Variants in ARHGAP15 observed in about 807,000 individuals in gnomAD.
ARHGAP15 encodes rho GTPase-activating protein 15.
In ARHGAP15, 51 loss-of-function variants were observed where a neutral mutation model predicts 63.7. That is an observed-to-expected ratio of 0.80 (90% CI 0.64 to 1.01). The LOEUF is 1.01. Among genes scored for constraint, ARHGAP15 ranks in the 50% least tolerant of loss-of-function variants. The pLI is 0.00. For synonymous variants in ARHGAP15, 191 were observed against 193.8 expected (o/e 0.99, Z 0.12); for missense variants, 560 against 564.6 (o/e 0.99, Z 0.08).
rs1248706263 is a variant in ARHGAP15 at position 143,556,432 on chromosome 2, G to T, written c.950G>T (p.Arg317Leu). ...KRGLDVDGIY[R>L]VSGNLATIQK... is the part of the protein sequence containing the mutation. ...GGTCTAGATGTTGATGGAATATATC[G>T]AGTTAGTGGCAATCTGGCAACAATA... The change falls in exon 11 of 14, where the codon CGA (arginine) becomes CTA (leucine). Residue 317 changes from arginine (R) to leucine (L), a missense_variant. Transcript: ENST00000295095. 1 of 1,611,822 alleles carries T rather than the reference G, an allele frequency of 6.2e-7. No individual in the cohort carries two copies. The highest frequency in any genetic ancestry group is 8.5e-7 in the Non-Finnish European group (1 of 1,178,692).
At chr2:143,514,325 G>A (rs1693713806) in intron 9 of ARHGAP15, among the ~76,000 whole-genome samples, 1 of 152,174 alleles carries the variant, frequency 6.6e-6, no homozygotes, top group South Asian at 2.1e-4. Context: ...ATGGAATTGG[G>A]TTAATCTGGA....
At chr2:143,192,649 A>G (rs568352629) in intron 2 of ARHGAP15, among the ~76,000 whole-genome samples, 2 of 152,154 alleles carry the variant, frequency 1.3e-5, no homozygotes, top group Admixed American at 6.5e-5. Context: ...TGAAAGAGAG[A>G]TGCTATTTCT....
chr2:143,403,384 A>T (rs766984421), intron 6 of ARHGAP15, among the ~76,000 whole-genome samples: 1 of 151,774 alleles, frequency 6.6e-6, no homozygotes, highest in Non-Finnish European at 1.5e-5. Flanking sequence ...CTTTCATGGG[A>T]CTTAATATAT....
chr2:143,634,378 T>G (rs767271903), intron 12 of ARHGAP15, among the ~76,000 whole-genome samples: 4 of 152,258 alleles, frequency 2.6e-5, no homozygotes, highest in Middle Eastern at 3.4e-3. Flanking sequence ...GAGCAAATAT[T>G]TAATCTCTCT....
chr2:143,623,499 G>A (rs1014869132), intron 11 of ARHGAP15, among the ~76,000 whole-genome samples: 2 of 151,874 alleles, frequency 1.3e-5, no homozygotes, highest in Non-Finnish European at 2.9e-5. Context: ...GTCTAATATT[G>A]TTGCTGGGCA....
At position 143,436,996 on chromosome 2, in the gene ARHGAP15, C is replaced by A. The variant is rs17230746; in HGVS notation, c.657C>A (p.Tyr219Ter). 37 of 1,607,726 alleles carry A rather than the reference C, an allele frequency of 2.3e-5. No individual in the cohort carries two copies. The highest frequency in any genetic ancestry group is 3.1e-5 in the Non-Finnish European group (36 of 1,178,102). The change falls in exon 8 of 14, where the codon TAC (tyrosine) becomes TAA (stop). Residue 219 changes from tyrosine to a stop codon, truncating the protein, a stop_gained. Coordinates refer to ENST00000295095, the MANE Select transcript of ARHGAP15 (RefSeq NM_018460.4). LOFTEE classifies it high-confidence loss of function. ...CTAGCACTGAATTGCTAAGTCACTA[C>A]GACAGTGATATAAAAGAACAGAAAC... ...RSSSTELLSHYDSDIKEQKPE... is the reference protein window; with the variant it reads ...RSSSTELLSH
chr2:143,376,804 C>T (rs571070020), intron 6 of ARHGAP15, among the ~76,000 whole-genome samples: 1 of 152,100 alleles, frequency 6.6e-6, no homozygotes, highest in East Asian at 1.9e-4. Flanking sequence ...TAAACCTGGT[C>T]TCAGCTCAGT....
chr2:143,714,265 C>T (rs1684711470), intron 13 of ARHGAP15, among the ~76,000 whole-genome samples: 1 of 152,240 alleles, frequency 6.6e-6, no homozygotes, highest in Non-Finnish European at 1.5e-5. Context: ...TCTGAAGCCA[C>T]AGCCCAAACT....
chr2:143,396,123 T>G lies in ARHGAP15; in HGVS notation c.475-39478T>G, dbSNP rs149846362. 1.5e-4 allele frequency among the ~76,000 whole-genome samples: 23 copies of G among 152,234 alleles called. No individual in the cohort carries two copies. In the East Asian group the frequency reaches 4.4e-3, roughly 29 times the overall value. On this transcript the variant is annotated intron_variant, in intron 6 of 13. Coordinates refer to ENST00000295095, the MANE Select transcript of ARHGAP15 (RefSeq NM_018460.4). ...TCTGAGCAAATTTCTCTCTTAAAATTTTACCACAAATCAAGATACTTTACT... is the reference window on the plus strand; with the variant it reads ...TCTGAGCAAATTTCTCTCTTAAAATGTTACCACAAATCAAGATACTTTACT...
intron 6 of ARHGAP15, among the ~76,000 whole-genome samples, chr2:143,358,570 GCACTTATTTTCTTTACAAACC>G (rs1249832579): frequency 6.7e-6 from 1 of 150,340 alleles, no homozygotes; most frequent in Non-Finnish European, 1.5e-5. Context: ...TTAGGAAAAG[GCACTTATTTTCTTTACAAACC>G]TGGACCTTAT....
intron 10 of ARHGAP15, among the ~76,000 whole-genome samples, chr2:143,529,348 C>A (rs1694423873): frequency 1.3e-5 from 2 of 152,050 alleles, no homozygotes; most frequent in African/African-American, 4.8e-5. Flanking sequence ...CTTTCTGTGA[C>A]CTTGATTGGG....
intron 8 of ARHGAP15, among the ~76,000 whole-genome samples, chr2:143,483,354 C>T (rs1692162367): frequency 3.9e-5 from 6 of 152,094 alleles, no homozygotes; most frequent in African/African-American, 9.7e-5. Flanking sequence ...TTTCTAATGG[C>T]ATCGTTTTTA....
chr2:143,345,835 T>C (rs1198661858), intron 6 of ARHGAP15, among the ~76,000 whole-genome samples: 1 of 152,138 alleles, frequency 6.6e-6, no homozygotes, highest in Non-Finnish European at 1.5e-5. Context: ...CACCATATTA[T>C]CTTGTGTTGC....
chr2:143,444,633 T>G (rs1215295720), intron 8 of ARHGAP15, among the ~76,000 whole-genome samples: 1 of 152,178 alleles, frequency 6.6e-6, no homozygotes, highest in African/African-American at 2.4e-5. Flanking sequence ...TGCTTTTTGA[T>G]GGATTTATTT....
chr2:143,709,966 G>C (rs1488249403), intron 13 of ARHGAP15, among the ~76,000 whole-genome samples: 4 of 152,174 alleles, frequency 2.6e-5, no homozygotes. Context: ...CCAGGCCTCT[G>C]AATGCTCAGC....
intron 11 of ARHGAP15, among the ~76,000 whole-genome samples, chr2:143,591,469 C>T (rs987528775): frequency 1.3e-5 from 2 of 152,174 alleles, no homozygotes; most frequent in Admixed American, 1.3e-4. Context: ...TACTTCAGGG[C>T]TCTGCTTCCT....
chr2:143,577,483 C>T (rs937662931), intron 11 of ARHGAP15, among the ~76,000 whole-genome samples: 16 of 152,018 alleles, frequency 1.1e-4, no homozygotes, highest in African/African-American at 3.1e-4. Flanking sequence ...GGAAATGATG[C>T]AGCTTCAAGC....
chr2:143,236,930 C>T (rs1328204926), intron 5 of ARHGAP15: 1 of 151,940 alleles, frequency 6.6e-6, no homozygotes, highest in Non-Finnish European at 1.5e-5. Context: ...TCTAAGTTGC[C>T]TGGGAGTGAG....
intron 6 of ARHGAP15, among the ~76,000 whole-genome samples, chr2:143,392,401 T>C (rs1687572753): frequency 6.6e-6 from 1 of 152,222 alleles, no homozygotes; most frequent in Non-Finnish European, 1.5e-5. Context: ...TGAAATTATA[T>C]CTTCTGAAAG....
Sources: allele counts gnomAD v4.1 joint callset (sites outside exome capture counted in the v4.1 genomes callset), GRCh38; gene constraint gnomAD v4.1.1; transcripts MANE v1.5; gene names NCBI Gene and HGNC (gene_info 2026-07-23, HGNC 2026-07-21).